Variants in C2orf92 observed in about 807,000 individuals in gnomAD.
The protein encoded by C2orf92 is chromosome 2 open reading frame 92.
intron 3 of C2orf92, among the ~76,000 whole-genome samples, chr2:97,680,729 A>T (rs1215531394): frequency 6.6e-6 from 1 of 152,130 alleles, no homozygotes; most frequent in East Asian, 1.9e-4. Context: ...GATCGAGACC[A>T]TCCTGGCTAA....
At chr2:97,698,356 G>A (rs1035108021) in intron 5 of C2orf92, among the ~76,000 whole-genome samples, 3 of 152,152 alleles carry the variant, frequency 2.0e-5, no homozygotes, top group African/African-American at 7.2e-5. Flanking sequence ...ATATGCAAAC[G>A]AGTCAGGCAC....
At chr2:97,699,402 C>A (rs1484879850) in intron 6 of C2orf92, among the ~76,000 whole-genome samples, 1 of 151,968 alleles carries the variant, frequency 6.6e-6, no homozygotes, top group Non-Finnish European at 1.5e-5. Context: ...TAGAGACTAC[C>A]CTGGCCAACA....
chr2:97,691,802 C>T (rs1016255015), intron 5 of C2orf92, among the ~76,000 whole-genome samples: 2 of 152,088 alleles, frequency 1.3e-5, no homozygotes, highest in South Asian at 2.1e-4. Flanking sequence ...GCAGGAGAAT[C>T]GCTTGAACCC....
chr2:97,686,830 C>T lies in C2orf92; in HGVS notation c.233-2065C>T, dbSNP rs183948008. Among the ~76,000 whole-genome samples, 21 of 150,652 alleles carry T rather than the reference C, an allele frequency of 1.4e-4. No homozygotes were observed. In the South Asian group the frequency reaches 3.6e-3, roughly 25 times the overall value. ...AGAAGTTCAAGACCAGCCTGGCCAA[C>T]GTGGTGAAACCCTGTCTCTACTAAA... On this transcript the variant is annotated intron_variant, in intron 3 of 7. Transcript: ENST00000627399.
At chr2:97,683,984 C>A (rs1289880788) in intron 3 of C2orf92, among the ~76,000 whole-genome samples, 1 of 150,708 alleles carries the variant, frequency 6.6e-6, no homozygotes, top group Non-Finnish European at 1.5e-5. Context: ...CCTGCCTCAG[C>A]CTCCCTAGTA....
chr2:97,665,723 CTCTCTCTCTCTCTCTATA>C (rs1393342281), upstream of C2orf92: 49 of 61,812 alleles, frequency 7.9e-4, no homozygotes, highest in African/African-American at 2.9e-3. Context: ...CTCTCTCTCT[CTCTCTCTCTCTCTCTATA>C]TATATATATA....
At chr2:97,679,086 C>CA (rs1359844627) in intron 3 of C2orf92, among the ~76,000 whole-genome samples, 3 of 150,372 alleles carry the variant, frequency 2.0e-5, no homozygotes, top group African/African-American at 7.3e-5. Flanking sequence ...TTCAGGTAAA[C>CA]AAAAGCTGAG....
At chr2:97,683,250 T>C (rs931775701) in intron 3 of C2orf92, among the ~76,000 whole-genome samples, 2 of 152,078 alleles carry the variant, frequency 1.3e-5, no homozygotes, top group South Asian at 4.1e-4. Flanking sequence ...ATTAATTCCA[T>C]TTACGATTAT....
intron 5 of C2orf92, among the ~76,000 whole-genome samples, chr2:97,692,878 C>A (rs1289000676): frequency 6.6e-6 from 1 of 152,150 alleles, no homozygotes; most frequent in Non-Finnish European, 1.5e-5. Context: ...GATTAAGAGT[C>A]TGGTTATAGG....
intron 3 of C2orf92, among the ~76,000 whole-genome samples, chr2:97,681,207 T>C (rs1675762033): frequency 7.1e-6 from 1 of 140,168 alleles, no homozygotes; most frequent in Non-Finnish European, 1.5e-5. Context: ...CTAGCAGACA[T>C]ATCCAGAACA....
chr2:97,675,545 G>C (rs1675545700), intron 2 of C2orf92: 1 of 294,718 alleles, frequency 3.4e-6, no homozygotes, highest in African/African-American at 2.2e-5. Flanking sequence ...CATACACCAT[G>C]TAGGCCTTTC....
chr2:97,701,222 G>A lies in C2orf92; in HGVS notation c.583G>A (p.Ala195Thr), dbSNP rs11680855. The change falls in exon 7 of 8, where the codon GCC becomes ACC. Residue 195 changes from alanine (A) to threonine (T), a missense_variant. Coordinates refer to ENST00000627399, the MANE Select transcript of C2orf92 (RefSeq NM_001351368.2). ...CCTGCAGAGGAACACCATCATCGCC[G>A]CCGTCTCAGGGGTGGCCATCCTCAT... ...HFLQRNTIIA[A>T]VSGVAILMAI... 0.53 allele frequency: 209,394 copies of A among 398,802 alleles called. 62,126 individuals carry two copies. The highest frequency in any genetic ancestry group is 0.64 in the Non-Finnish European group (143,938 of 226,004). 24.7% of individuals were successfully genotyped at this position (398,802 alleles called of 1,614,324 possible).
intron 1 of C2orf92, 64 bp from the exon 2 acceptor site, chr2:97,674,392 G>T (rs1210068412): frequency 1.0e-5 from 4 of 398,012 alleles, no homozygotes; most frequent in Non-Finnish European, 1.3e-5. Context: ...TGTATTCATA[G>T]TCTGCTTTAG....
chr2:97,685,228 C>T (rs1675915139), intron 3 of C2orf92, among the ~76,000 whole-genome samples: 1 of 150,714 alleles, frequency 6.6e-6, no homozygotes, highest in African/African-American at 2.4e-5. Flanking sequence ...CACGCCCGGC[C>T]TAGAATGGCT....
intron 4 of C2orf92, 78 bp from the exon 5 acceptor site, chr2:97,690,178 T>G (rs1048808630): frequency 1.0e-5 from 4 of 391,730 alleles, no homozygotes; most frequent in Non-Finnish European, 1.8e-5. Context: ...ATACAAAATA[T>G]GGGCCCAAGG....
chr2:97,688,813 T>C (rs112188717), intron 3 of C2orf92, 82 bp from the exon 4 acceptor site: 8 of 398,134 alleles, frequency 2.0e-5, no homozygotes, highest in African/African-American at 1.4e-4. Context: ...ACTGTATTCA[T>C]AGACTGCTTT....
upstream of C2orf92, chr2:97,667,863 G>GT: frequency 6.6e-6 from 1 of 152,144 alleles, no homozygotes; most frequent in Non-Finnish European, 1.5e-5. Flanking sequence ...AAACATCATT[G>GT]TTTTTTTAGA....
intron 3 of C2orf92, among the ~76,000 whole-genome samples, chr2:97,686,353 A>G (rs548486597): frequency 6.6e-6 from 1 of 152,326 alleles, no homozygotes; most frequent in East Asian, 1.9e-4. Context: ...TCAAATTTCC[A>G]GCACCTGAAA....
chr2:97,676,386 A>C (rs145249598), intron 3 of C2orf92, among the ~76,000 whole-genome samples: 6,106 of 145,246 alleles, frequency 0.042, 463 homozygotes, highest in African/African-American at 0.15. Flanking sequence ...GTGAGCCGAG[A>C]TCATGCCACT....
Sources: gnomAD v4.1 joint callset for allele counts (sites outside exome capture counted in the v4.1 genomes callset) on GRCh38, gnomAD v4.1.1 for gene constraint, MANE v1.5 for transcripts, NCBI Gene and HGNC (gene_info 2026-07-23, HGNC 2026-07-21) for gene names.